Variants in SLC27A6 observed in about 807,000 individuals in gnomAD.
The protein encoded by SLC27A6 is long-chain fatty acid transport protein 6.
A neutral mutation model predicts 63.9 loss-of-function variants in SLC27A6; 74 were observed. That is an observed-to-expected ratio of 1.16 (90% CI 0.96 to 1.40). SLC27A6 has a LOEUF of 1.40. Ranked by LOEUF, SLC27A6 falls within the 40% of genes most tolerant of loss-of-function variation. The pLI is 0.00. For missense variants in SLC27A6, 794 were observed against 732.9 expected, an observed-to-expected ratio of 1.08 and a Z score of -0.96; for synonymous variants, 287 against 260.8, an observed-to-expected ratio of 1.10 and a Z score of -0.97.
intron 6 of SLC27A6, among the ~76,000 whole-genome samples, chr5:129,025,992 T>C (rs1752231802): frequency 6.6e-6 from 1 of 152,080 alleles, no homozygotes; most frequent in South Asian, 2.1e-4. Context: ...CAAAATTAGC[T>C]GGGCCTAGTG....
intron 5 of SLC27A6, among the ~76,000 whole-genome samples, chr5:129,020,754 T>A (rs1435006971): frequency 6.6e-6 from 1 of 151,982 alleles, no homozygotes; most frequent in Non-Finnish European, 1.5e-5. Flanking sequence ...TCTGACACAA[T>A]TTCAGGAGTC....
At chr5:129,020,828 C>A (rs909918627) in intron 5 of SLC27A6, among the ~76,000 whole-genome samples, 1 of 152,010 alleles carries the variant, frequency 6.6e-6, no homozygotes, top group Non-Finnish European at 1.5e-5. Flanking sequence ...CTTATTACAG[C>A]TAAAGGATCT....
intron 4 of SLC27A6, among the ~76,000 whole-genome samples, chr5:128,991,413 G>A (rs1416433334): frequency 6.6e-6 from 1 of 152,128 alleles, no homozygotes; most frequent in African/African-American, 2.4e-5. Flanking sequence ...TAAGACAAGT[G>A]AAAGAAAATA....
At chr5:129,007,289 C>A (rs1357327392) in intron 4 of SLC27A6, among the ~76,000 whole-genome samples, 6 of 151,406 alleles carry the variant, frequency 4.0e-5, no homozygotes, top group African/African-American at 1.5e-4. Context: ...ACTAAAAATA[C>A]AAAAATTAGC....
In SLC27A6 at chr5:128,973,997, A is replaced by G. The variant is rs972517008; in HGVS notation, c.481+7379A>G. On this transcript the variant is annotated intron_variant, in intron 1 of 9. Transcript: ENST00000262462. ...GGTCTAGGAGCAAATGTAAACTCCA[A>G]GTTTTGCTAATAATTGATAAGGCCG... Among the ~76,000 whole-genome samples the G allele has an allele frequency of 7.9e-5, 12 of 152,322 alleles. No homozygotes were observed. In the South Asian group the frequency reaches 2.5e-3, roughly 32 times the overall value.
chr5:128,998,790 G>T (rs1751241894), intron 4 of SLC27A6, among the ~76,000 whole-genome samples: 1 of 152,106 alleles, frequency 6.6e-6, no homozygotes, highest in East Asian at 1.9e-4. Flanking sequence ...AACACATAAA[G>T]TGAAGGTCAG....
intron 1 of SLC27A6, among the ~76,000 whole-genome samples, chr5:128,983,735 T>C (rs895391705): frequency 2.0e-5 from 3 of 152,202 alleles, no homozygotes; most frequent in African/African-American, 7.2e-5. Context: ...GAGCTTGATG[T>C]ATGAGTTTCC....
Position 128,985,261 on chromosome 5 carries a change from C to A in SLC27A6, c.610C>A (p.Pro204Thr). 6.2e-7 allele frequency: 1 copy of A among 1,614,082 alleles called. No homozygotes were observed. ...KEKLSTSPDE[P>T]VPRSHHVVSL... Reference sequence around the variant, plus strand: ...AAAACTGAGCACCTCACCTGATGAGCCCGTGCCACGCAGCCACCATGTTGT... The same window carrying A: ...AAAACTGAGCACCTCACCTGATGAGACCGTGCCACGCAGCCACCATGTTGT... Residue 204 changes from proline (P) to threonine (T), a missense_variant, in exon 2 of 10, where the codon CCC becomes ACC. Coordinates refer to ENST00000262462, the MANE Select transcript of SLC27A6 (RefSeq NM_001017372.3).
chr5:128,990,587 C>T (rs900464905), intron 4 of SLC27A6, 123 bp downstream of exon 4: 1 of 1,041,852 alleles, frequency 9.6e-7, no homozygotes, highest in Non-Finnish European at 1.4e-6. Flanking sequence ...GTTCTTAGAG[C>T]TTCCAAGATA....
chr5:129,012,884 C>A lies in SLC27A6; in HGVS notation c.970-3001C>A, dbSNP rs967118710. Reference sequence around the variant, plus strand: ...TATAGTTGAGTTTTATATTTTTATGCATTCTAAAAGTTTTTTTTTCCATGA... The same window carrying A: ...TATAGTTGAGTTTTATATTTTTATGAATTCTAAAAGTTTTTTTTTCCATGA... On this transcript the variant is annotated intron_variant, in intron 4 of 9. Coordinates refer to ENST00000262462, the MANE Select transcript of SLC27A6 (RefSeq NM_001017372.3). Among the ~76,000 whole-genome samples, 10 of 151,844 alleles carry A rather than the reference C, an allele frequency of 6.6e-5. No homozygotes were observed. In the East Asian group the frequency reaches 1.9e-3, roughly 29 times the overall value.
intron 4 of SLC27A6, among the ~76,000 whole-genome samples, chr5:129,006,446 A>AGAGTGT (rs1751540387): frequency 6.9e-6 from 1 of 144,044 alleles, no homozygotes; most frequent in South Asian, 2.3e-4. Flanking sequence ...TATATGCATG[A>AGAGTGT]GTGTGTGTGT....
At chr5:128,994,804 A>G (rs1751100653) in intron 4 of SLC27A6, among the ~76,000 whole-genome samples, 1 of 152,194 alleles carries the variant, frequency 6.6e-6, no homozygotes, top group Non-Finnish European at 1.5e-5. Flanking sequence ...TAGTTGCACA[A>G]AGACTCCCTA....
intron 1 of SLC27A6, among the ~76,000 whole-genome samples, chr5:128,971,453 G>T (rs577395505): frequency 6.6e-6 from 1 of 151,990 alleles, no homozygotes; most frequent in Non-Finnish European, 1.5e-5. Flanking sequence ...TGTATTGGGT[G>T]CATATATATT....
chr5:128,971,447 T>C (rs1056631763), intron 1 of SLC27A6, among the ~76,000 whole-genome samples: 12 of 152,124 alleles, frequency 7.9e-5, no homozygotes, highest in Non-Finnish European at 1.3e-4. Context: ...TGTTCCTGTA[T>C]TGGGTGCATA....
chr5:129,023,482 T>C (rs1752138647), intron 5 of SLC27A6, 138 bp from the exon 6 acceptor site: 1 of 515,984 alleles, frequency 1.9e-6, no homozygotes, highest in South Asian at 3.4e-5. Flanking sequence ...CAGTAAAAGT[T>C]GTTTTAATAA....
intron 3 of SLC27A6, among the ~76,000 whole-genome samples, chr5:128,988,988 G>C (rs553960144): frequency 6.6e-6 from 1 of 152,226 alleles, no homozygotes; most frequent in African/African-American, 2.4e-5. Flanking sequence ...GTCGGAGCTG[G>C]CTATTGGCTG....
intron 3 of SLC27A6, among the ~76,000 whole-genome samples, chr5:128,990,088 A>T (rs1195614160): frequency 6.6e-6 from 1 of 152,172 alleles, no homozygotes; most frequent in Non-Finnish European, 1.5e-5. Context: ...ACTTATTTTG[A>T]CTGTTGCTTT....
chr5:128,994,555 A>G (rs1209705885), intron 4 of SLC27A6, among the ~76,000 whole-genome samples: 1 of 152,192 alleles, frequency 6.6e-6, no homozygotes, highest in Non-Finnish European at 1.5e-5. Context: ...ACATCAGTGG[A>G]TTCAGGTAGA....
At chr5:129,028,654 G>T (rs546248804) in intron 8 of SLC27A6, among the ~76,000 whole-genome samples, 1 of 141,630 alleles carries the variant, frequency 7.1e-6, no homozygotes, top group Non-Finnish European at 1.6e-5. Context: ...TAATGCCTGC[G>T]TGTATTTTTT....
Sources: gnomAD v4.1 joint callset for allele counts (sites outside exome capture counted in the v4.1 genomes callset) on GRCh38, gnomAD v4.1.1 for gene constraint, MANE v1.5 for transcripts, NCBI Gene and HGNC (gene_info 2026-07-23, HGNC 2026-07-21) for gene names.